The following NMNAT3 variants were observed in gnomAD, a reference collection of about 807,000 sequenced individuals.
NMNAT3 encodes the protein nicotinamide nucleotide adenylyltransferase 3, also known as nicotinamide/nicotinic acid mononucleotide adenylyltransferase 3.
A neutral mutation model predicts 24.8 loss-of-function variants in NMNAT3; 21 were observed. The observed-to-expected ratio is 0.85, with a 90% CI of 0.60 to 1.22. NMNAT3 has a LOEUF of 1.22. Ranked by LOEUF, NMNAT3 falls within the 50% of genes most tolerant of loss-of-function variation. The probability of loss-of-function intolerance (pLI) is 0.00; values close to 1 mark genes in which losing one functional copy is unlikely to be tolerated. For synonymous variants in NMNAT3, 136 were observed against 155.2 expected, an observed-to-expected ratio of 0.88 and a Z score of 0.92; for missense variants, 387 against 436.6, an observed-to-expected ratio of 0.89 and a Z score of 1.01.
At chr3:139,622,195 C>T (rs1460588091) in intron 3 of NMNAT3, among the ~76,000 whole-genome samples, 1 of 152,134 alleles carries the variant, frequency 6.6e-6, no homozygotes, top group African/African-American at 2.4e-5. Context: ...TTTACATTCT[C>T]ACCAATAGTT....
rs80056962 is a variant in NMNAT3 at position 139,667,081 on chromosome 3, A to G, written c.-141+10624T>C. Among the ~76,000 whole-genome samples the G allele has an allele frequency of 1.5e-3, 234 of 152,310 alleles. 1 individual carries two copies. Among genetic ancestry groups the G allele is most frequent in the African/African-American group, 5.3e-3 (219 of 41,578 alleles). ...AACATGTGAGTGCAGATATCTCCTC[A>G]ATATGCTGATTTCCTTTCTTTTGGG... On this transcript the variant is annotated intron_variant, in intron 1 of 6. Coordinates refer to ENST00000643695, the MANE Select transcript of NMNAT3 (RefSeq NM_001320510.2).
chr3:139,580,566 T>G (rs550187161), intron 4 of NMNAT3, among the ~76,000 whole-genome samples: 49 of 152,316 alleles, frequency 3.2e-4, no homozygotes, highest in Non-Finnish European at 5.9e-4. Flanking sequence ...AGCAGTGGTG[T>G]TGCACATACA....
chr3:139,569,538 G>T (rs1442804851), intron 6 of NMNAT3: 1 of 152,116 alleles, frequency 6.6e-6, no homozygotes, highest in Non-Finnish European at 1.5e-5. Flanking sequence ...GGCAGGCCTG[G>T]TGGTGACAAA....
At chr3:139,606,505 CA>C (rs1400431599) in intron 3 of NMNAT3, among the ~76,000 whole-genome samples, 1 of 152,168 alleles carries the variant, frequency 6.6e-6, no homozygotes, top group Non-Finnish European at 1.5e-5. Flanking sequence ...GATTTCTCCA[CA>C]TAAGTTAGTA....
intron 1 of NMNAT3, among the ~76,000 whole-genome samples, chr3:139,649,060 G>A (rs754216328): frequency 1.3e-5 from 2 of 152,004 alleles, no homozygotes; most frequent in Non-Finnish European, 2.9e-5. Context: ...GACAGACTTG[G>A]GCTTTATTAG....
intron 1 of NMNAT3, among the ~76,000 whole-genome samples, chr3:139,676,967 G>A (rs982048916): frequency 3.9e-5 from 6 of 152,146 alleles, no homozygotes; most frequent in Non-Finnish European, 7.3e-5. Flanking sequence ...TTCTCAATGG[G>A]TAGAACAATC....
At chr3:139,658,009 G>A (rs1372557095) in intron 1 of NMNAT3, among the ~76,000 whole-genome samples, 1 of 151,952 alleles carries the variant, frequency 6.6e-6, no homozygotes, top group African/African-American at 2.4e-5. Flanking sequence ...CATGCCCCAG[G>A]AACCCCAACA....
rs551816555 is a variant in NMNAT3, at chr3:139,611,893, C to T, written c.109+15723G>A. ...AAAAAAACAATAGAGGGGGGCTGGA[C>T]GTGGTTGCTTACGCCTGTAATCCCA... On this transcript the variant is annotated intron_variant, in intron 3 of 6. Transcript: ENST00000643695. Among the ~76,000 whole-genome samples, 28 of 152,208 alleles carry T rather than the reference C, an allele frequency of 1.8e-4. 1 individual carries two copies. The highest frequency in any genetic ancestry group is 4.1e-4 in the South Asian group (2 of 4,834).
At chr3:139,610,674 T>C (rs1229184404) in intron 3 of NMNAT3, among the ~76,000 whole-genome samples, 1 of 152,212 alleles carries the variant, frequency 6.6e-6, no homozygotes, top group Admixed American at 6.5e-5. Flanking sequence ...TTACTCATGC[T>C]CTTGTGGTAT....
intron 1 of NMNAT3, among the ~76,000 whole-genome samples, chr3:139,652,038 A>G (rs2057072106): frequency 6.6e-6 from 1 of 152,166 alleles, no homozygotes; most frequent in African/African-American, 2.4e-5. Context: ...CCTGCCAGAG[A>G]AAATTCTAGG....
chr3:139,633,327 C>T (rs138390806), intron 2 of NMNAT3, among the ~76,000 whole-genome samples: 6 of 152,130 alleles, frequency 3.9e-5, no homozygotes, highest in African/African-American at 1.4e-4. Context: ...ATTACAGGCA[C>T]GTCCCACTGT....
rs3028177 is a variant in NMNAT3 at position 139,649,322 on chromosome 3, AAAAC to A, written c.-140-11264_-140-11261del. 1.3e-3 allele frequency among the ~76,000 whole-genome samples: 194 copies of A among 150,518 alleles called. 2 individuals are homozygous for A. In the South Asian group the frequency reaches 0.017, roughly 13 times the overall value. The stretch of plus-strand genomic sequence containing the variant: ...TAATGTTGCAGGATGGCAAGCAAAG[AAAAC>A]AAACAAACAAACAAACAAACAAAAA... On this transcript the variant is annotated intron_variant, in intron 1 of 6. Coordinates refer to ENST00000643695, the MANE Select transcript of NMNAT3 (RefSeq NM_001320510.2).
chr3:139,653,692 T>C (rs1331021835), intron 1 of NMNAT3, among the ~76,000 whole-genome samples: 1 of 152,174 alleles, frequency 6.6e-6, no homozygotes, highest in Admixed American at 6.5e-5. Context: ...AAATTCTGGC[T>C]GAATGGATAA....
chr3:139,596,887 C>A (rs2054485012), intron 3 of NMNAT3, among the ~76,000 whole-genome samples: 1 of 123,766 alleles, frequency 8.1e-6, no homozygotes, highest in African/African-American at 3.0e-5. Flanking sequence ...TGAATGGGAT[C>A]TTTTTTCCAC....
intron 5 of NMNAT3, among the ~76,000 whole-genome samples, chr3:139,576,781 G>GT (rs1181483770): frequency 3.3e-5 from 5 of 152,136 alleles, no homozygotes; most frequent in Non-Finnish European, 7.4e-5. Context: ...AAGAGGCCTG[G>GT]TGTGGTGACT....
chr3:139,656,943 T>A (rs1395529556), intron 1 of NMNAT3, among the ~76,000 whole-genome samples: 3 of 152,248 alleles, frequency 2.0e-5, no homozygotes, highest in African/African-American at 7.2e-5. Flanking sequence ...ATTTACTAGG[T>A]GATTTTTAGG....
intron 6 of NMNAT3, chr3:139,570,639 T>G (rs1269784883): frequency 6.6e-6 from 1 of 152,496 alleles, no homozygotes; most frequent in Non-Finnish European, 1.5e-5. Flanking sequence ...GTATCAGCAG[T>G]GGTGGCTGCA....
chr3:139,625,623 T>A (rs2056017006), intron 3 of NMNAT3, among the ~76,000 whole-genome samples: 1 of 152,180 alleles, frequency 6.6e-6, no homozygotes, highest in Admixed American at 6.5e-5. Context: ...ATATTTTACT[T>A]CTACATAGGT....
At chr3:139,673,382 C>T (rs1211970120) in intron 1 of NMNAT3, among the ~76,000 whole-genome samples, 1 of 152,162 alleles carries the variant, frequency 6.6e-6, no homozygotes, top group Non-Finnish European at 1.5e-5. Context: ...AGCTGAAGCA[C>T]AGTTGTTTTT....
Sources: allele counts gnomAD v4.1 joint callset (sites outside exome capture counted in the v4.1 genomes callset), GRCh38; gene constraint gnomAD v4.1.1; transcripts MANE v1.5; gene names NCBI Gene and HGNC (gene_info 2026-07-23, HGNC 2026-07-21).